The following DPP6 variants were observed in gnomAD, a reference collection of about 807,000 sequenced individuals.
The protein encoded by DPP6 is A-type potassium channel modulatory protein DPP6.
Under a neutral mutation model 122.6 loss-of-function variants are expected in DPP6, and 69 were observed. The observed-to-expected ratio is 0.56, with a 90% CI of 0.46 to 0.69. DPP6 has a LOEUF of 0.69. DPP6 is among the 30% of genes least tolerant of loss of function. The pLI, the probability that DPP6 is intolerant of heterozygous loss-of-function variation, is 0.00. For synonymous variants in DPP6, 418 were observed against 433.1 expected, an observed-to-expected ratio of 0.97 and a Z score of 0.43; for missense variants, 928 against 1,116.9, an observed-to-expected ratio of 0.83 and a Z score of 2.41.
chr7:153,965,685 TG>T (rs1415524315), intron 1 of DPP6, among the ~76,000 whole-genome samples: 1 of 152,028 alleles, frequency 6.6e-6, no homozygotes, highest in African/African-American at 2.4e-5. Flanking sequence ...GCTAATTTTT[TG>T]TATTTTTAGT....
intron 8 of DPP6, among the ~76,000 whole-genome samples, chr7:154,768,757 A>G (rs929396198): frequency 6.6e-6 from 1 of 152,184 alleles, no homozygotes. Flanking sequence ...CAAAAGAATC[A>G]GTCTTTCATT....
chr7:154,479,233 C>G (rs544873360), intron 3 of DPP6, among the ~76,000 whole-genome samples: 4 of 152,246 alleles, frequency 2.6e-5, no homozygotes, highest in African/African-American at 9.6e-5. Context: ...ACTACTGGGG[C>G]AAGCCAAATG....
At chr7:154,576,221 T>C (rs1831660454) in intron 5 of DPP6, among the ~76,000 whole-genome samples, 2 of 152,086 alleles carry the variant, frequency 1.3e-5, no homozygotes, top group Admixed American at 6.5e-5. Flanking sequence ...CAGTGATCTT[T>C]TGACGGGTAA....
intron 1 of DPP6, among the ~76,000 whole-genome samples, chr7:154,221,956 A>G (rs1048670441): frequency 1.3e-5 from 2 of 149,230 alleles, no homozygotes; most frequent in African/African-American, 5.0e-5. Flanking sequence ...ATGAGTGAGG[A>G]AAAAAAAAAT....
chr7:153,908,623 A>G (rs928774584), intron 1 of DPP6, among the ~76,000 whole-genome samples: 4 of 152,212 alleles, frequency 2.6e-5, no homozygotes, highest in Non-Finnish European at 4.4e-5. Flanking sequence ...ATGTATTTCA[A>G]ATGAACTAAA....
chr7:154,395,339 G>A (rs180991598), intron 1 of DPP6, among the ~76,000 whole-genome samples: 7 of 152,288 alleles, frequency 4.6e-5, no homozygotes, highest in South Asian at 2.1e-4. Flanking sequence ...ATATTGTAGC[G>A]GGTAGCATTG....
intron 1 of DPP6, among the ~76,000 whole-genome samples, chr7:153,929,665 C>G (rs373451437): frequency 6.6e-6 from 1 of 152,068 alleles, no homozygotes; most frequent in East Asian, 1.9e-4. Flanking sequence ...GGCACTTTCC[C>G]ACCAGCAGTG....
intron 1 of DPP6, among the ~76,000 whole-genome samples, chr7:154,112,191 A>G (rs1806639968): frequency 1.3e-5 from 2 of 152,188 alleles, no homozygotes; most frequent in African/African-American, 4.8e-5. Context: ...TGGTGAAACC[A>G]TCACCAATAC....
chr7:154,067,038 CTATT>C (rs1802779638), intron 1 of DPP6, among the ~76,000 whole-genome samples: 1 of 136,842 alleles, frequency 7.3e-6, no homozygotes, highest in South Asian at 2.6e-4. Context: ...TAACCTTCAT[CTATT>C]TTAAATTTAA....
intron 3 of DPP6, among the ~76,000 whole-genome samples, chr7:154,526,352 A>G (rs1827406124): frequency 6.6e-6 from 1 of 152,172 alleles, no homozygotes; most frequent in South Asian, 2.1e-4. Flanking sequence ...CAGGTGAAAG[A>G]TAGGCTGTGG....
intron 5 of DPP6, among the ~76,000 whole-genome samples, chr7:154,582,061 C>T (rs1178413190): frequency 1.3e-5 from 2 of 152,220 alleles, no homozygotes; most frequent in Non-Finnish European, 2.9e-5. Flanking sequence ...GTGCCCTGCT[C>T]ACTGTGAGCA....
chr7:153,914,281 G>A (rs1393142093), intron 1 of DPP6, among the ~76,000 whole-genome samples: 2 of 152,160 alleles, frequency 1.3e-5, no homozygotes, highest in Non-Finnish European at 2.9e-5. Flanking sequence ...CAGCCATGTG[G>A]AACTGTGAGT....
chr7:154,814,535 A>G (rs1799294941), intron 16 of DPP6, among the ~76,000 whole-genome samples: 4 of 152,208 alleles, frequency 2.6e-5, no homozygotes, highest in Non-Finnish European at 5.9e-5. Flanking sequence ...GGGTGGTCTC[A>G]CCTTCTAGTC....
intron 9 of DPP6, among the ~76,000 whole-genome samples, chr7:154,770,799 GCATCC>G (rs978737749): frequency 1.3e-5 from 2 of 152,214 alleles, no homozygotes; most frequent in African/African-American, 4.8e-5. Context: ...CCAAATCAAA[GCATCC>G]CAGTGTGAGT....
chr7:154,217,058 C>T lies in DPP6; in HGVS notation c.243+163995C>T, dbSNP rs571625832. ...AATGCTTACCTTGTCCAATTTTACG[C>T]ACAAGCCTCCACTTTAAGGAAACAG... is the stretch of plus-strand genomic sequence containing the variant. On this transcript the variant is annotated intron_variant, in intron 1 of 25. Transcript: ENST00000377770. Among the ~76,000 whole-genome samples the T allele has an allele frequency of 4.9e-4, 75 of 152,098 alleles. 1 individual carries two copies. In the South Asian group the frequency reaches 0.015, roughly 31 times the overall value.
intron 20 of DPP6, among the ~76,000 whole-genome samples, chr7:154,879,831 T>C (rs1239837538): frequency 6.6e-6 from 1 of 152,186 alleles, no homozygotes; most frequent in Non-Finnish European, 1.5e-5. Context: ...TATGGCTCTT[T>C]GTTAAAATAC....
At chr7:154,636,323 C>T (rs1230833753) in intron 5 of DPP6, among the ~76,000 whole-genome samples, 1 of 152,172 alleles carries the variant, frequency 6.6e-6, no homozygotes, top group Non-Finnish European at 1.5e-5. Context: ...GCATGGGGTC[C>T]TTTAATGGGT....
chr7:153,947,996 T>C (rs1345602798), intron 1 of DPP6, among the ~76,000 whole-genome samples: 1 of 152,126 alleles, frequency 6.6e-6, no homozygotes, highest in Non-Finnish European at 1.5e-5. Flanking sequence ...TGTCCACATT[T>C]CCCCTTCTCA....
the DPP6 span, among the ~76,000 whole-genome samples, chr7:153,758,146 C>T: frequency 6.6e-6 from 1 of 152,044 alleles, no homozygotes; most frequent in Non-Finnish European, 1.5e-5. Flanking sequence ...GGAAAGGGTG[C>T]CTTATAGTTG....
Sources: gnomAD v4.1 joint callset for allele counts (sites outside exome capture counted in the v4.1 genomes callset) on GRCh38, gnomAD v4.1.1 for gene constraint, MANE v1.5 for transcripts, NCBI Gene and HGNC (gene_info 2026-07-23, HGNC 2026-07-21) for gene names.